The following LRIF1 variants were observed in gnomAD, a reference collection of about 807,000 sequenced individuals.
LRIF1 encodes ligand dependent nuclear receptor interacting factor 1.
A neutral mutation model predicts 52.7 loss-of-function variants in LRIF1; 32 were observed. The observed-to-expected ratio is 0.61, with a 90% CI of 0.46 to 0.82. The LOEUF is 0.82. Among genes scored for constraint, LRIF1 ranks in the 40% least tolerant of loss-of-function variants. LRIF1 has a pLI of 0.00. For synonymous variants in LRIF1, 323 were observed against 317.4 expected (o/e 1.02, Z -0.19); for missense variants, 887 against 892.0 (o/e 0.99, Z 0.07).
In LRIF1 at chr1:110,948,298, T is replaced by C; in HGVS notation, c.1971A>G (p.Glu657=). Residue 657 remains glutamate (E), a synonymous_variant, in exon 4 of 4, where the codon GAA becomes GAG. Coordinates refer to ENST00000369763, the MANE Select transcript of LRIF1 (RefSeq NM_018372.4). ...GGAGTTGGGAACCGGTGACATTAGC[T>C]TCCCCATTTATGATTGCGTTATAAG... ...ENAYNAIING[E]ANVTGSQLLS... is the part of the protein sequence containing the mutation. 1 of 1,614,146 alleles carries C rather than the reference T, an allele frequency of 6.2e-7. No individual in the cohort carries two copies. The highest frequency in any genetic ancestry group is 8.5e-7 in the Non-Finnish European group (1 of 1,180,018).
the LRIF1 span, among the ~76,000 whole-genome samples, chr1:110,902,412 C>T: frequency 6.9e-6 from 1 of 145,776 alleles, no homozygotes; most frequent in Non-Finnish European, 1.5e-5. Flanking sequence ...CATAATAAGG[C>T]TTTGTGGAAC....
At chr1:110,895,107 C>A in the LRIF1 span, 1 of 1,353,510 alleles carries the variant, frequency 7.4e-7, no homozygotes, top group Non-Finnish European at 1.1e-6. Flanking sequence ...ATTTTCAAGC[C>A]TAAATCCTTG....
At chr1:110,931,106 G>T in the LRIF1 span, among the ~76,000 whole-genome samples, 1 of 151,964 alleles carries the variant, frequency 6.6e-6, no homozygotes, top group Non-Finnish European at 1.5e-5. Flanking sequence ...TTTACATTAG[G>T]TATTTCTCCT....
chr1:110,880,535 G>A, the LRIF1 span, among the ~76,000 whole-genome samples: 2 of 152,146 alleles, frequency 1.3e-5, no homozygotes, highest in African/African-American at 4.8e-5. Context: ...ATACCAGGAT[G>A]TTGGGGCTGA....
At chr1:110,930,111 T>C in the LRIF1 span, among the ~76,000 whole-genome samples, 6 of 152,098 alleles carry the variant, frequency 3.9e-5, no homozygotes, top group African/African-American at 1.4e-4. Flanking sequence ...ATGTGTTCTT[T>C]TTCTGTCTGG....
At chr1:110,917,855 A>G in the LRIF1 span, among the ~76,000 whole-genome samples, 18 of 152,084 alleles carry the variant, frequency 1.2e-4, no homozygotes, top group East Asian at 9.6e-4. Flanking sequence ...CTTATTCATA[A>G]CATACAAATC....
the LRIF1 span, among the ~76,000 whole-genome samples, chr1:110,907,093 G>T: frequency 1.3e-5 from 2 of 152,208 alleles, no homozygotes; most frequent in African/African-American, 4.8e-5. Context: ...TGCACTAAGA[G>T]ACCTGACCAT....
At position 110,951,743 on chromosome 1, in the gene LRIF1, G is replaced by C. The variant is rs1057318099; in HGVS notation, c.1141C>G (p.Gln381Glu). 8 of 1,613,366 alleles carry C rather than the reference G, an allele frequency of 5.0e-6. No individual in the cohort carries two copies. Among genetic ancestry groups the C allele is most frequent in the Non-Finnish European group, 6.8e-6 (8 of 1,179,994 alleles). The change falls in exon 2 of 4, where the codon CAA (glutamine) becomes GAA (glutamate). Residue 381 changes from glutamine (Q) to glutamate (E), a missense_variant. By Grantham distance (29) the Gln-to-Glu change is conservative (BLOSUM62 2). Coordinates refer to ENST00000369763, the MANE Select transcript of LRIF1 (RefSeq NM_018372.4). ...GTATCAGGAGAAACAGAATTCTGTT[G>C]GTCAATTTGTGATGGCAGAACATCT... is the stretch of plus-strand genomic sequence containing the variant. ...GTDVLPSQIDQQNSVSPDTPV... is the reference protein window; with the variant it reads ...GTDVLPSQIDEQNSVSPDTPV...
chr1:110,906,260 G>A, the LRIF1 span, among the ~76,000 whole-genome samples: 1 of 152,168 alleles, frequency 6.6e-6, no homozygotes, highest in African/African-American at 2.4e-5. Flanking sequence ...AAATAAAAAA[G>A]AGACAACAGA....
At chr1:110,904,255 G>A in the LRIF1 span, among the ~76,000 whole-genome samples, 5 of 152,218 alleles carry the variant, frequency 3.3e-5, no homozygotes, top group Admixed American at 3.3e-4. Flanking sequence ...ATCTGTGATT[G>A]TAGAGCCCCA....
chr1:110,943,666 T>C (rs1029131053), downstream of LRIF1: 14 of 152,220 alleles, frequency 9.2e-5, no homozygotes, highest in African/African-American at 3.4e-4. Flanking sequence ...CCTAAGTACT[T>C]AGCTAGACCT....
At chr1:110,954,204 A>G (rs893419656) in intron 1 of LRIF1, among the ~76,000 whole-genome samples, 13 of 152,204 alleles carry the variant, frequency 8.5e-5, no homozygotes, top group Admixed American at 1.3e-4. Context: ...TGCAGCCCGA[A>G]TAACATTATT....
the LRIF1 span, chr1:110,892,321 A>C: frequency 6.3e-7 from 1 of 1,596,218 alleles, no homozygotes; most frequent in Non-Finnish European, 8.6e-7. Flanking sequence ...TTGCTTCAGG[A>C]TGTTGTGGGA....
chr1:110,912,094 C>T, the LRIF1 span, among the ~76,000 whole-genome samples: 2 of 152,276 alleles, frequency 1.3e-5, no homozygotes, highest in African/African-American at 4.8e-5. Context: ...AATTCTATAC[C>T]TAGAAAAATT....
the LRIF1 span, among the ~76,000 whole-genome samples, chr1:110,877,660 G>A: frequency 3.3e-5 from 5 of 151,732 alleles, no homozygotes; most frequent in Admixed American, 6.6e-5. Context: ...TCTATAAATC[G>A]CCAAATCCTC....
the LRIF1 span, among the ~76,000 whole-genome samples, chr1:110,910,548 C>G: frequency 6.6e-6 from 1 of 152,166 alleles, no homozygotes; most frequent in African/African-American, 2.4e-5. Flanking sequence ...TTGGAGTGAG[C>G]TGAGATCGTG....
Position 110,947,832 on chromosome 1 carries a change from A to T in LRIF1, c.*127T>A. On this transcript the variant is annotated 3_prime_UTR_variant, in exon 4 of 4. Coordinates refer to ENST00000369763, the MANE Select transcript of LRIF1 (RefSeq NM_018372.4). ...CCTTTTCTGTATTCCTTAAAGTTGTACAATCGACTGATGAAAAAACAAGCT... is the reference window on the plus strand; with the variant it reads ...CCTTTTCTGTATTCCTTAAAGTTGTTCAATCGACTGATGAAAAAACAAGCT... 2 of 1,292,402 alleles carry T rather than the reference A, an allele frequency of 1.5e-6. No homozygotes were observed. The highest frequency in any genetic ancestry group is 2.1e-6 in the Non-Finnish European group (2 of 966,020). The allele number at this position is 1,292,402 out of a possible 1,614,324, so 80.1% of individuals were successfully genotyped here. A position where few individuals can be genotyped will look rare whatever the true frequency, so the allele number is the denominator to read the frequency against.
the LRIF1 span, chr1:110,894,173 T>C: frequency 1.1e-5 from 7 of 656,278 alleles, no homozygotes; most frequent in African/African-American, 1.8e-5. Flanking sequence ...AGAACACATA[T>C]TTTCACAAAA....
At chr1:110,901,477 C>CTTTTT in the LRIF1 span, among the ~76,000 whole-genome samples, 7 of 115,878 alleles carry the variant, frequency 6.0e-5, 1 homozygote, top group African/African-American at 6.3e-5. Flanking sequence ...CGCACCCGGC[C>CTTTTT]TTTTTTTTTT....
Sources: gnomAD v4.1 joint callset for allele counts (sites outside exome capture counted in the v4.1 genomes callset) on GRCh38, gnomAD v4.1.1 for gene constraint, MANE v1.5 for transcripts, NCBI Gene and HGNC (gene_info 2026-07-23, HGNC 2026-07-21) for gene names.